FSTL4: variants seen among roughly 807,000 people sequenced by gnomAD.
FSTL4 encodes follistatin-related protein 4.
FSTL4 carries 28 observed loss-of-function variants against 78.2 expected under a neutral mutation model. That is an observed-to-expected ratio of 0.36 (90% CI 0.27 to 0.49). FSTL4 has a LOEUF of 0.49. Among genes scored for constraint, FSTL4 ranks in the 20% least tolerant of loss-of-function variants. The pLI, the probability that FSTL4 is intolerant of heterozygous loss-of-function variation, is 0.98. For synonymous variants in FSTL4, 422 were observed against 440.5 expected, an observed-to-expected ratio of 0.96 and a Z score of 0.53; for missense variants, 922 against 1,084.9, an observed-to-expected ratio of 0.85 and a Z score of 2.11.
At chr5:133,237,834 C>G (rs932791035) in intron 7 of FSTL4, among the ~76,000 whole-genome samples, 2 of 147,848 alleles carry the variant, frequency 1.4e-5, no homozygotes, top group African/African-American at 5.1e-5. Flanking sequence ...CATCTCTGTA[C>G]TTGTCTCTTT....
chr5:133,339,922 G>A (rs1224028986), intron 4 of FSTL4, among the ~76,000 whole-genome samples: 2 of 152,194 alleles, frequency 1.3e-5, no homozygotes, highest in Non-Finnish European at 2.9e-5. Flanking sequence ...GATGGGGAAG[G>A]GAGCTCCACT....
At chr5:133,226,019 A>G in intron 8 of FSTL4, 200 bp from the exon 9 acceptor site, 1 of 415,778 alleles carries the variant, frequency 2.4e-6, no homozygotes, top group Non-Finnish European at 4.2e-6. Context: ...CAGATAATAA[A>G]CATGTCAGAC....
chr5:133,841,363 T>C, the FSTL4 span, among the ~76,000 whole-genome samples: 1 of 152,178 alleles, frequency 6.6e-6, no homozygotes, highest in African/African-American at 2.4e-5. Flanking sequence ...CACCTACTAT[T>C]TGCCATGCAC....
intron 6 of FSTL4, among the ~76,000 whole-genome samples, chr5:133,310,339 C>T (rs1753750405): frequency 6.6e-6 from 1 of 152,158 alleles, no homozygotes; most frequent in Non-Finnish European, 1.5e-5. Flanking sequence ...AATAATAATC[C>T]AGGAACGAAG....
At chr5:133,638,350 A>G in the FSTL4 span, among the ~76,000 whole-genome samples, 62,580 of 151,910 alleles carry the variant, frequency 0.41, 13,088 homozygotes, top group Admixed American at 0.46. Flanking sequence ...CACAGCACCC[A>G]TGTCTTGACT....
At chr5:133,665,616 G>A in the FSTL4 span, among the ~76,000 whole-genome samples, 2 of 152,168 alleles carry the variant, frequency 1.3e-5, no homozygotes, top group Non-Finnish European at 2.9e-5. Flanking sequence ...GTTCAGGTGT[G>A]TATGCTGGAC....
chr5:133,471,869 C>T (rs1422797467), intron 3 of FSTL4, among the ~76,000 whole-genome samples: 3 of 152,194 alleles, frequency 2.0e-5, no homozygotes, highest in African/African-American at 7.2e-5. Flanking sequence ...GTTAACACTA[C>T]ACTTTTCATC....
the FSTL4 span, among the ~76,000 whole-genome samples, chr5:133,836,312 A>G: frequency 1.4e-4 from 22 of 152,244 alleles, no homozygotes; most frequent in African/African-American, 5.1e-4. Context: ...CTAGTTAGTT[A>G]TACATCGTTT....
chr5:133,722,539 C>G, the FSTL4 span, among the ~76,000 whole-genome samples: 1 of 152,168 alleles, frequency 6.6e-6, no homozygotes, highest in Non-Finnish European at 1.5e-5. Context: ...TCCTTTATAT[C>G]TCACTGAGTC....
upstream of FSTL4, among the ~76,000 whole-genome samples, chr5:133,617,440 C>T (rs147965605): frequency 3.3e-3 from 495 of 152,192 alleles, 1 homozygote; most frequent in African/African-American, 0.012. Context: ...CTACTCAATA[C>T]AGCACAGTTA....
At chr5:133,342,259 G>A (rs1369785617) in intron 4 of FSTL4, among the ~76,000 whole-genome samples, 1 of 152,168 alleles carries the variant, frequency 6.6e-6, no homozygotes, top group Admixed American at 6.5e-5. Context: ...GGCAGAGGTA[G>A]GAGGAGAAGC....
At chr5:133,468,379 A>G (rs1307038429) in intron 3 of FSTL4, among the ~76,000 whole-genome samples, 3 of 152,196 alleles carry the variant, frequency 2.0e-5, no homozygotes, top group African/African-American at 7.2e-5. Context: ...GATAAGCTGG[A>G]TGTGGTTTGT....
intron 4 of FSTL4, among the ~76,000 whole-genome samples, chr5:133,337,431 C>T (rs1754489004): frequency 6.6e-6 from 1 of 152,268 alleles, no homozygotes; most frequent in African/African-American, 2.4e-5. Flanking sequence ...AATTGGGGTG[C>T]ATTAGCGCTG....
At chr5:133,230,217 A>G (rs1385956725) in intron 8 of FSTL4, among the ~76,000 whole-genome samples, 1 of 152,058 alleles carries the variant, frequency 6.6e-6, no homozygotes, top group East Asian at 1.9e-4. Context: ...CATGAATCGC[A>G]TAGGGGCAGG....
intron 3 of FSTL4, among the ~76,000 whole-genome samples, chr5:133,447,829 T>G (rs1036978634): frequency 6.6e-6 from 1 of 152,212 alleles, no homozygotes; most frequent in African/African-American, 2.4e-5. Context: ...TGTGAACCAC[T>G]GCACCCAGCC....
chr5:133,400,891 C>T lies in FSTL4; in HGVS notation c.256G>A (p.Glu86Lys), dbSNP rs150349571. Residue 86 changes from glutamate (E) to lysine (K), a missense_variant, in exon 4 of 16, where the codon GAA becomes AAA. Physicochemically the swap from Glu to Lys is moderately conservative, Grantham distance 56. Transcript: ENST00000265342. ...CVLSRKTGEP[E>K]CQCLEACRPS... ...CTGCATGCCTCCAGGCACTGGCATT[C>T]GGGCTCCCCTGTCTTCCTGCTGAGC... 1.1e-5 allele frequency: 17 copies of T among 1,613,782 alleles called. No homozygotes were observed. Among genetic ancestry groups the T allele is most frequent in the Middle Eastern group, 1.6e-4 (1 of 6,084 alleles).
chr5:133,733,857 G>A, the FSTL4 span, among the ~76,000 whole-genome samples: 2 of 152,196 alleles, frequency 1.3e-5, no homozygotes, highest in Admixed American at 6.5e-5. Flanking sequence ...AGGTCTGACC[G>A]AGGCTTGGAT....
chr5:133,743,952 C>A, the FSTL4 span, among the ~76,000 whole-genome samples: 2 of 152,256 alleles, frequency 1.3e-5, no homozygotes, highest in African/African-American at 2.4e-5. Flanking sequence ...ATAAATGTTT[C>A]TACTCCCTGC....
At chr5:133,334,613 T>G (rs1328274991) in intron 4 of FSTL4, among the ~76,000 whole-genome samples, 1 of 152,238 alleles carries the variant, frequency 6.6e-6, no homozygotes, top group East Asian at 1.9e-4. Flanking sequence ...TGTGTTATGC[T>G]TCAATGATAT....
Sources: allele counts gnomAD v4.1 joint callset (sites outside exome capture counted in the v4.1 genomes callset), GRCh38; gene constraint gnomAD v4.1.1; transcripts MANE v1.5; gene names NCBI Gene and HGNC (gene_info 2026-07-23, HGNC 2026-07-21).